Variants in PLCZ1 observed in about 807,000 individuals in gnomAD.
PLCZ1 encodes the protein phospholipase C zeta 1.
In PLCZ1, 64 loss-of-function variants were observed where a neutral mutation model predicts 76.8. That is an observed-to-expected ratio of 0.83 (90% confidence interval 0.68 to 1.03). The LOEUF (loss-of-function observed/expected upper bound fraction) is 1.03. Ranked by LOEUF, PLCZ1 falls within the 50% of genes least tolerant of loss-of-function variation. The pLI is 0.00. For synonymous variants in PLCZ1, 248 were observed against 230.8 expected (o/e 1.07, Z -0.68); for missense variants, 751 against 713.7 (o/e 1.05, Z -0.60).
chr12:18,655,020 C>G, the PLCZ1 span, among the ~76,000 whole-genome samples: 1 of 150,170 alleles, frequency 6.7e-6, no homozygotes, highest in South Asian at 2.1e-4. Flanking sequence ...ATAAACCCAG[C>G]CGAAACAGTC....
chr12:18,650,323 C>CTA, the PLCZ1 span, among the ~76,000 whole-genome samples: 718 of 77,720 alleles, frequency 9.2e-3, 7 homozygotes, highest in Admixed American at 0.013. Context: ...CTCTCTCTCT[C>CTA]TCTCTCTCTA....
chr12:18,698,103 G>A (rs1955347641), intron 10 of PLCZ1, among the ~76,000 whole-genome samples: 1 of 151,460 alleles, frequency 6.6e-6, no homozygotes, highest in Non-Finnish European at 1.5e-5. Context: ...TGAAGGAACA[G>A]AGACCAGTAA....
At chr12:18,734,630 C>G (rs555108082) in intron 3 of PLCZ1, among the ~76,000 whole-genome samples, 2 of 152,298 alleles carry the variant, frequency 1.3e-5, no homozygotes, top group African/African-American at 4.8e-5. Context: ...TGATTACAGG[C>G]ATGAGCCACC....
chr12:18,736,636 T>C, intron 2 of PLCZ1: 1 of 1,296,440 alleles, frequency 7.7e-7, no homozygotes, highest in Non-Finnish European at 1.0e-6. Flanking sequence ...ATTATAACAA[T>C]CTATTGCCTG....
chr12:18,696,238 C>A lies in PLCZ1; in HGVS notation c.1203G>T (p.Lys401Asn), dbSNP rs759461298. 8.2e-6 allele frequency: 13 copies of A among 1,588,030 alleles called. No homozygotes were observed. Among genetic ancestry groups the A allele is most frequent in the Middle Eastern group, 1.7e-4 (1 of 5,984 alleles). Residue 401 changes from lysine to asparagine, a missense_variant, in exon 11 of 15, where the codon AAG becomes AAT. Transcript: ENST00000266505. ...RVHEFIFHTR[K>N]FITRIYPKAT... ...CTTTGGGATATATTCTGGTAATGAA[C>A]TTCCTGGTGTGAAAAATAAACTCAT...
chr12:18,714,531 T>A (rs1473643531), intron 5 of PLCZ1: 2 of 152,164 alleles, frequency 1.3e-5, no homozygotes, highest in African/African-American at 4.8e-5. Flanking sequence ...CAAAACTGAA[T>A]CTGAGAGCTG....
intron 7 of PLCZ1, among the ~76,000 whole-genome samples, chr12:18,703,125 G>A (rs1250120326): frequency 6.6e-6 from 1 of 152,152 alleles, no homozygotes; most frequent in African/African-American, 2.4e-5. Flanking sequence ...ATAAGTTCCA[G>A]AATTGGACTA....
chr12:18,679,194 G>A (rs1489775318), downstream of PLCZ1, among the ~76,000 whole-genome samples: 2 of 151,876 alleles, frequency 1.3e-5, no homozygotes. Flanking sequence ...TAAGGTGTAA[G>A]TATTCTTCAT....
intron 12 of PLCZ1, among the ~76,000 whole-genome samples, chr12:18,689,043 A>C (rs1476234602): frequency 6.6e-6 from 1 of 152,152 alleles, no homozygotes; most frequent in Non-Finnish European, 1.5e-5. Flanking sequence ...GATTTTTCCT[A>C]ATTCCACAGA....
intron 5 of PLCZ1, among the ~76,000 whole-genome samples, chr12:18,716,898 A>T (rs1354467144): frequency 6.6e-6 from 1 of 152,214 alleles, no homozygotes; most frequent in African/African-American, 2.4e-5. Flanking sequence ...GCTTTACAGC[A>T]GTAATATTCT....
chr12:18,709,156 T>A (rs1258784811), intron 6 of PLCZ1, among the ~76,000 whole-genome samples: 1 of 152,164 alleles, frequency 6.6e-6, no homozygotes, highest in Non-Finnish European at 1.5e-5. Context: ...TAATATTATA[T>A]GTAAGTTTTT....
intron 3 of PLCZ1, 137 bp downstream of exon 3, chr12:18,736,084 T>A: frequency 1.1e-6 from 1 of 951,298 alleles, no homozygotes; most frequent in Non-Finnish European, 1.5e-6. Context: ...ACTGAAATGC[T>A]CTCCATCTTG....
At chr12:18,672,582 A>T in the PLCZ1 span, among the ~76,000 whole-genome samples, 2 of 152,180 alleles carry the variant, frequency 1.3e-5, no homozygotes, top group African/African-American at 4.8e-5. Context: ...TCACATTTGA[A>T]TGAATATGAG....
At chr12:18,669,337 G>T in the PLCZ1 span, among the ~76,000 whole-genome samples, 1 of 152,126 alleles carries the variant, frequency 6.6e-6, no homozygotes, top group East Asian at 1.9e-4. Context: ...TTACTATGTA[G>T]CAGGCACCAC....
intron 3 of PLCZ1, 136 bp downstream of exon 3, chr12:18,736,085 C>T: frequency 1.0e-6 from 1 of 968,182 alleles, no homozygotes; most frequent in East Asian, 2.8e-5. Context: ...CTGAAATGCT[C>T]TCCATCTTGA....
Position 18,696,203 on chromosome 12 carries a change from G to A in PLCZ1, c.1238C>T (p.Ala413Val). The change falls in exon 11 of 15, where the codon GCA becomes GTA. Residue 413 changes from alanine (A) to valine (V), a missense_variant. Coordinates refer to ENST00000266505, the MANE Select transcript of PLCZ1 (RefSeq NM_033123.4). Reference sequence around the variant, plus strand: ...TTGGGGATTAAAATTAGAAGAGTCTGCTCTTGTTGCTTTGGGATATATTCT... The same window carrying A: ...TTGGGGATTAAAATTAGAAGAGTCTACTCTTGTTGCTTTGGGATATATTCT... ...ITRIYPKATR[A>V]DSSNFNPQEF... 1 of 1,600,910 alleles carries A rather than the reference G, an allele frequency of 6.2e-7. No homozygotes were observed. Among genetic ancestry groups the A allele is most frequent in the Non-Finnish European group, 8.5e-7 (1 of 1,171,138 alleles).
chr12:18,720,871 T>C lies in PLCZ1; in HGVS notation c.368-1239A>G, dbSNP rs536783912. On this transcript the variant is annotated intron_variant, in intron 4 of 14. Transcript: ENST00000266505. ...AATACTAAGCAGCCATTAAGAATAA[T>C]GTATCATAAAAATATAGTGATGTAA... Among the ~76,000 whole-genome samples, 2 of 152,170 alleles carry C rather than the reference T, an allele frequency of 1.3e-5. 1 individual carries two copies. The highest frequency in any genetic ancestry group is 2.9e-5 in the Non-Finnish European group (2 of 67,992).
Position 18,688,206 on chromosome 12 carries a change from T to C in PLCZ1, c.1474A>G (p.Ile492Val). The change falls in exon 13 of 15, where the codon ATC (isoleucine) becomes GTC (valine). Residue 492 changes from isoleucine (I) to valine (V), a missense_variant. Coordinates refer to ENST00000266505, the MANE Select transcript of PLCZ1 (RefSeq NM_033123.4). ...ITLTIRLISG[I>V]QLPLTHSSSN... ...GATGAATGAGTAAGAGGCAACTGGA[T>C]ACCACTGATGAGCTGCACAAATATA... is the stretch of plus-strand genomic sequence containing the variant. 3 of 1,609,390 alleles carry C rather than the reference T, an allele frequency of 1.9e-6. No homozygotes were observed. Among genetic ancestry groups the C allele is most frequent in the Non-Finnish European group, 2.5e-6 (3 of 1,177,904 alleles).
chr12:18,664,167 G>A, the PLCZ1 span, among the ~76,000 whole-genome samples: 2 of 152,196 alleles, frequency 1.3e-5, no homozygotes, highest in Non-Finnish European at 2.9e-5. Context: ...CTTATGTACT[G>A]TTGGTAGGAA....
Sources: allele counts gnomAD v4.1 joint callset (sites outside exome capture counted in the v4.1 genomes callset), GRCh38; gene constraint gnomAD v4.1.1; transcripts MANE v1.5; gene names NCBI Gene and HGNC (gene_info 2026-07-23, HGNC 2026-07-21).